Variants in PDE3A observed in about 807,000 individuals in gnomAD.
PDE3A encodes the protein cGMP-inhibited 3',5'-cyclic phosphodiesterase 3A.
Under a neutral mutation model 98.3 loss-of-function variants are expected in PDE3A, and 43 were observed. The observed-to-expected ratio is 0.44, with a 90% CI of 0.34 to 0.56. PDE3A has a LOEUF of 0.56. Among genes scored for constraint, PDE3A ranks in the 20% least tolerant of loss-of-function variants. The probability of loss-of-function intolerance (pLI) is 0.01; values close to 1 mark genes in which losing one functional copy is unlikely to be tolerated. For synonymous variants in PDE3A, 663 were observed against 567.9 expected, an observed-to-expected ratio of 1.17 and a Z score of -2.38; for missense variants, 1,427 against 1,440.7, an observed-to-expected ratio of 0.99 and a Z score of 0.15.
rs372016027 is a variant in PDE3A, at chr12:20,680,190, G to C, written c.3345G>C (p.Gln1115His). 1.2e-6 allele frequency: 2 copies of C among 1,613,738 alleles called. No individual in the cohort carries two copies. Among genetic ancestry groups the C allele is most frequent in the Non-Finnish European group, 1.7e-6 (2 of 1,179,884 alleles). ...DQTPQSHSSE[Q>H]IQAIKEEEEE... Reference sequence around the variant, plus strand: ...CCCCTCAGTCGCACTCTTCAGAACAGATCCAGGCTATCAAGGAAGAAGAAG... The same window carrying C: ...CCCCTCAGTCGCACTCTTCAGAACACATCCAGGCTATCAAGGAAGAAGAAG... Residue 1115 changes from glutamine to histidine, a missense_variant, in exon 16 of 16, where the codon CAG becomes CAC. Coordinates refer to ENST00000359062, the MANE Select transcript of PDE3A (RefSeq NM_000921.5).
chr12:20,572,162 C>T (rs1942815666), intron 2 of PDE3A: 1 of 1,263,404 alleles, frequency 7.9e-7, no homozygotes. Context: ...GGAGCTTCTA[C>T]TGGGAAAAGG....
In PDE3A at chr12:20,686,000, A is replaced by C. The variant is rs538963127; in HGVS notation, c.*5729A>C. On this transcript the variant is annotated 3_prime_UTR_variant, in exon 16 of 16. Transcript: ENST00000359062. Reference sequence around the variant, plus strand: ...TAATTTTTAACTTAAAATGAAACCCACAAAATGACATTCCGTGGTACTGAG... The same window carrying C: ...TAATTTTTAACTTAAAATGAAACCCCCAAAATGACATTCCGTGGTACTGAG... Among the ~76,000 whole-genome samples the C allele has an allele frequency of 5.0e-4, 76 of 152,316 alleles. No individual in the cohort carries two copies. Among genetic ancestry groups the C allele is most frequent in the African/African-American group, 1.8e-3 (75 of 41,580 alleles).
At position 20,457,256 on chromosome 12, in the gene PDE3A, A is replaced by T. The variant is rs1266455234; in HGVS notation, c.960+87012A>T. Among the ~76,000 whole-genome samples, 5 of 151,070 alleles carry T rather than the reference A, an allele frequency of 3.3e-5. No individual in the cohort carries two copies. The East Asian group carries it at 9.7e-4, about 29-fold the overall frequency. ...TTATTGTTATTATTATTATTCTATT[A>T]TATATTATTCTATTCTAAATTTTCT... On this transcript the variant is annotated intron_variant, in intron 1 of 15. Coordinates refer to ENST00000359062, the MANE Select transcript of PDE3A (RefSeq NM_000921.5).
chr12:20,369,297 G>A lies in PDE3A; in HGVS notation c.13G>A (p.Gly5Ser). 1.3e-6 allele frequency: 2 copies of A among 1,522,064 alleles called. No individual in the cohort carries two copies. The highest frequency in any genetic ancestry group is 1.8e-6 in the Non-Finnish European group (2 of 1,130,136). 94.3% of individuals were successfully genotyped at this position (1,522,064 alleles called of 1,614,324 possible). Residue 5 changes from glycine (G) to serine (S), a missense_variant, in exon 1 of 16, where the codon GGC becomes AGC. Around this residue, in one of 3 missense-constraint regions of PDE3A, gnomAD observed 1,012 missense variants for 886.5 expected, o/e 1.14. Transcript: ENST00000359062. MAVP[G>S]DAARVRDKPV... is the part of the protein sequence containing the mutation. ...GGCACCCTATACCATGGCAGTGCCC[G>A]GCGACGCTGCACGAGTCAGGGACAA...
intron 1 of PDE3A, among the ~76,000 whole-genome samples, chr12:20,432,181 T>C (rs1944709363): frequency 6.6e-6 from 1 of 152,202 alleles, no homozygotes; most frequent in Admixed American, 6.5e-5. Flanking sequence ...GTTTACCAGA[T>C]ACTTAGATAC....
chr12:20,381,982 C>T (rs1387459108), intron 1 of PDE3A, among the ~76,000 whole-genome samples: 1 of 151,840 alleles, frequency 6.6e-6, no homozygotes, highest in East Asian at 1.9e-4. Context: ...AATCAACCTG[C>T]CTTAGATGCT....
chr12:20,590,980 G>A (rs1299107991), intron 2 of PDE3A, among the ~76,000 whole-genome samples: 2 of 152,108 alleles, frequency 1.3e-5, no homozygotes, highest in Non-Finnish European at 2.9e-5. Flanking sequence ...ACTTGTACCA[G>A]GCATAAGTAT....
intron 1 of PDE3A, among the ~76,000 whole-genome samples, chr12:20,482,230 AT>A (rs200344825): frequency 2.3e-5 from 3 of 132,754 alleles, no homozygotes; most frequent in Admixed American, 7.4e-5. Flanking sequence ...GCACACATGT[AT>A]TTTTTTTTCT....
chr12:20,493,679 G>A (rs1374128534), intron 1 of PDE3A, among the ~76,000 whole-genome samples: 1 of 151,940 alleles, frequency 6.6e-6, no homozygotes, highest in Admixed American at 6.6e-5. Context: ...TGCCAAGGCT[G>A]CAGTACAATG....
intron 15 of PDE3A, among the ~76,000 whole-genome samples, chr12:20,666,623 G>A (rs1165052517): frequency 6.6e-6 from 1 of 152,048 alleles, no homozygotes; most frequent in Non-Finnish European, 1.5e-5. Flanking sequence ...TTCTTTTTAT[G>A]TCTGAATATT....
intron 1 of PDE3A, among the ~76,000 whole-genome samples, chr12:20,374,282 T>A (rs1247328128): frequency 6.6e-6 from 1 of 152,124 alleles, no homozygotes; most frequent in Non-Finnish European, 1.5e-5. Context: ...AAAAAGTTTT[T>A]TAAGTGACAT....
At chr12:20,570,923 TTCAGTA>T (rs1408647886) in intron 2 of PDE3A, among the ~76,000 whole-genome samples, 1 of 152,156 alleles carries the variant, frequency 6.6e-6, no homozygotes, top group East Asian at 1.9e-4. Flanking sequence ...GCAGTATCCA[TTCAGTA>T]TCAGCTAGTG....
intron 12 of PDE3A, among the ~76,000 whole-genome samples, chr12:20,647,739 T>A (rs1415354798): frequency 1.3e-5 from 2 of 152,222 alleles, no homozygotes; most frequent in East Asian, 3.9e-4. Context: ...TAGTTTTTCT[T>A]GAATCTATAT....
chr12:20,428,958 G>A (rs1400643865), intron 1 of PDE3A, among the ~76,000 whole-genome samples: 1 of 152,178 alleles, frequency 6.6e-6, no homozygotes, highest in Non-Finnish European at 1.5e-5. Context: ...AAAGAGCTGA[G>A]ATCTCAAGAA....
chr12:20,575,936 T>A (rs1424840971), intron 2 of PDE3A, among the ~76,000 whole-genome samples: 1 of 152,062 alleles, frequency 6.6e-6, no homozygotes, highest in Admixed American at 6.6e-5. Context: ...AATATTTGTA[T>A]ATGTACACAA....
In PDE3A at chr12:20,573,647, G is replaced by A. The variant is rs555930531; in HGVS notation, c.1011+16937G>A. ...CCCTTCCCCAACATATATTTAAGAT[G>A]TGATTTATCATGAAGATATCCAAAC... On this transcript the variant is annotated intron_variant, in intron 2 of 15. Transcript: ENST00000359062. Among the ~76,000 whole-genome samples, 3 of 152,152 alleles carry A rather than the reference G, an allele frequency of 2.0e-5. No homozygotes were observed. The East Asian group carries it at 5.8e-4, about 29-fold the overall frequency.
At chr12:20,640,223 CAT>C (rs1481956345) in intron 10 of PDE3A, among the ~76,000 whole-genome samples, 2 of 152,068 alleles carry the variant, frequency 1.3e-5, no homozygotes, top group African/African-American at 4.8e-5. Context: ...GTACCTGATT[CAT>C]ATGATTGTTA....
intron 1 of PDE3A, among the ~76,000 whole-genome samples, chr12:20,506,147 T>G (rs747784050): frequency 2.0e-5 from 3 of 151,600 alleles, no homozygotes; most frequent in African/African-American, 7.3e-5. Context: ...TGTAGCAGGT[T>G]AAACAAATGA....
At chr12:20,396,557 G>T (rs991762570) in intron 1 of PDE3A, among the ~76,000 whole-genome samples, 1 of 152,002 alleles carries the variant, frequency 6.6e-6, no homozygotes, top group Non-Finnish European at 1.5e-5. Context: ...ACAAAAACTG[G>T]AAGACATACA....
Sources: allele counts gnomAD v4.1 joint callset (sites outside exome capture counted in the v4.1 genomes callset), GRCh38; gene constraint gnomAD v4.1.1; regional missense constraint gnomAD v4.1.1; transcripts MANE v1.5; gene names NCBI Gene and HGNC (gene_info 2026-07-23, HGNC 2026-07-21).